The following MYO9A variants were observed in gnomAD, a reference collection of about 807,000 sequenced individuals.
MYO9A encodes the protein unconventional myosin-IXa.
In MYO9A, 103 loss-of-function variants were observed where a neutral mutation model predicts 293.3. The observed-to-expected ratio is 0.35, with a 90% CI of 0.30 to 0.41. The LOEUF (loss-of-function observed/expected upper bound fraction) is 0.41. Ranked by LOEUF, MYO9A falls within the 10% of genes least tolerant of loss-of-function variation. The pLI is 1.00. For synonymous variants in MYO9A, 1,001 were observed against 1,035.7 expected (o/e 0.97, Z 0.64); for missense variants, 2,685 against 3,033.0 (o/e 0.89, Z 2.69).
chr15:71,904,019 A>T lies in MYO9A; in HGVS notation c.2787T>A (p.Asp929Glu), dbSNP rs143033820. The T allele has an allele frequency of 1.5e-4, 247 of 1,613,834 alleles. 1 individual carries two copies. The highest frequency in any genetic ancestry group is 8.2e-4 in the Middle Eastern group (5 of 6,084). The change falls in exon 21 of 42, where the codon GAT (aspartate) becomes GAA (glutamate). Residue 929 changes from aspartate (D) to glutamate (E), a missense_variant. Asp to Glu is a conservative substitution (Grantham distance 45, BLOSUM62 2). This residue lies in a region of MYO9A where 1,434 missense variants were observed against 1,497.7 expected (regional missense o/e 0.96). Transcript: ENST00000356056. ...NAEKLPLRFS[D>E]VLVLRQLRYT... ...ATCGAAGCTGTCTAAGTACCAAGAC[A>T]TCACTGAACCTTAAGGGCAGCTAAA...
intron 14 of MYO9A, among the ~76,000 whole-genome samples, chr15:71,956,332 TATA>T (rs2059189431): frequency 1.3e-5 from 1 of 77,434 alleles, no homozygotes; most frequent in South Asian, 4.2e-4. Flanking sequence ...AAAAAAAAAA[TATA>T]TATATATATA....
chr15:72,058,283 T>C (rs1290040612), intron 1 of MYO9A, among the ~76,000 whole-genome samples: 2 of 152,210 alleles, frequency 1.3e-5, no homozygotes, highest in Non-Finnish European at 2.9e-5. Flanking sequence ...AAGGTATACA[T>C]ATATTTTAAA....
At chr15:72,067,746 A>G (rs908908657) in intron 1 of MYO9A, among the ~76,000 whole-genome samples, 3 of 152,212 alleles carry the variant, frequency 2.0e-5, no homozygotes, top group African/African-American at 7.2e-5. Context: ...ATTGTTTGCA[A>G]AATGAGATTT....
chr15:71,999,843 C>G lies in MYO9A; in HGVS notation c.1470+8G>C, dbSNP rs1255787315. 1.2e-6 allele frequency: 2 copies of G among 1,608,410 alleles called. No homozygotes were observed. Among genetic ancestry groups the G allele is most frequent in the Non-Finnish European group, 1.7e-6 (2 of 1,176,752 alleles). ...GAATGCTTTCATTTCAAAGAAAATC[C>G]ATCATACCTCTGCCAACTTGTATGG... On this transcript the variant is annotated splice_region_variant and intron_variant, in intron 9 of 41. Transcript: ENST00000356056.
intron 16 of MYO9A, among the ~76,000 whole-genome samples, chr15:71,936,244 C>T (rs937114557): frequency 2.6e-5 from 4 of 151,982 alleles, no homozygotes; most frequent in African/African-American, 7.2e-5. Context: ...TGACCCCACT[C>T]GTATGTGGAA....
intron 13 of MYO9A, among the ~76,000 whole-genome samples, chr15:71,967,215 TACAC>T (rs947454883): frequency 6.6e-6 from 1 of 152,218 alleles, no homozygotes; most frequent in South Asian, 2.1e-4. Flanking sequence ...TACAAATAGA[TACAC>T]ACACATATAT....
intron 23 of MYO9A, among the ~76,000 whole-genome samples, chr15:71,900,639 A>G (rs1009583819): frequency 1.1e-4 from 17 of 152,170 alleles, no homozygotes; most frequent in Non-Finnish European, 1.9e-4. Flanking sequence ...TAACTTTAAC[A>G]TATTATATTC....
At chr15:71,880,602 T>C (rs1331384339) in intron 28 of MYO9A, 44 bp from the exon 29 acceptor site, 3 of 1,490,258 alleles carry the variant, frequency 2.0e-6, no homozygotes, top group South Asian at 1.2e-5. Context: ...ATTTAGTAAA[T>C]ATATTGATAA....
At position 71,848,850 on chromosome 15, in the gene MYO9A, A is replaced by G. The variant is rs2055505335; in HGVS notation, c.6832T>C (p.Ser2278Pro). Residue 2278 changes from serine to proline, a missense_variant, in exon 39 of 42, where the codon TCA (serine) becomes CCA (proline). This residue lies in a region of MYO9A where 350 missense variants were observed against 328.9 expected (regional missense o/e 1.06). Coordinates refer to ENST00000356056, the MANE Select transcript of MYO9A (RefSeq NM_006901.4). ...AKTRLSLIRR[S>P]MGKGRIRRGN... is the part of the protein sequence containing the mutation. ...TTCCATGTGTTGCATCTTACCATTG[A>G]TCTACGAATCAGTGACAACCTGGTC... The G allele has an allele frequency of 1.2e-6, 2 of 1,602,514 alleles. No individual in the cohort carries two copies. The highest frequency in any genetic ancestry group is 1.7e-6 in the Non-Finnish European group (2 of 1,177,174).
chr15:71,933,750 A>T (rs999600247), intron 17 of MYO9A, 41 bp from the exon 18 acceptor site: 16 of 1,500,920 alleles, frequency 1.1e-5, no homozygotes, highest in Non-Finnish European at 1.5e-5. Flanking sequence ...CTACTGTATA[A>T]AAACAAAAAC....
At chr15:72,055,718 A>G (rs560303353) in intron 1 of MYO9A, among the ~76,000 whole-genome samples, 1 of 152,166 alleles carries the variant, frequency 6.6e-6, no homozygotes, top group Non-Finnish European at 1.5e-5. Flanking sequence ...AAAATGCTCA[A>G]CAGCATTAAT....
intron 1 of MYO9A, among the ~76,000 whole-genome samples, chr15:72,074,418 G>GA (rs2079282660): frequency 6.6e-6 from 1 of 151,772 alleles, no homozygotes; most frequent in Admixed American, 6.6e-5. Flanking sequence ...AAAGAAGTCT[G>GA]AAAAAAACAA....
chr15:71,970,638 A>G (rs2147374281), intron 12 of MYO9A, among the ~76,000 whole-genome samples: 1 of 152,354 alleles, frequency 6.6e-6, no homozygotes, highest in South Asian at 2.1e-4. Context: ...TAATAACTAC[A>G]GGACTGACTC....
At chr15:72,051,375 C>G (rs2078558357) in intron 1 of MYO9A, among the ~76,000 whole-genome samples, 1 of 152,098 alleles carries the variant, frequency 6.6e-6, no homozygotes, top group Non-Finnish European at 1.5e-5. Context: ...GAGTTTCGTG[C>G]TCCCTAGGTG....
At chr15:72,048,429 A>G (rs1441191737) in intron 1 of MYO9A, among the ~76,000 whole-genome samples, 1 of 152,026 alleles carries the variant, frequency 6.6e-6, no homozygotes, top group East Asian at 1.9e-4. Context: ...GAAATAAACT[A>G]GTGAGGAAAG....
chr15:72,089,473 T>C (rs2150562768), intron 1 of MYO9A, among the ~76,000 whole-genome samples: 1 of 152,176 alleles, frequency 6.6e-6, no homozygotes, highest in South Asian at 2.1e-4. Flanking sequence ...GATGGGTCAT[T>C]TTTATTCCTT....
chr15:72,077,733 GAA>G lies in MYO9A; in HGVS notation c.-71-31101_-71-31100del, dbSNP rs60518266. On this transcript the variant is annotated intron_variant, in intron 1 of 41. Coordinates refer to ENST00000356056, the MANE Select transcript of MYO9A (RefSeq NM_006901.4). ...CAACAGAGTGAGACTCTGTCTCAAA[GAA>G]AAAAAAAAAAAAAAAAAATATATAT... Among the ~76,000 whole-genome samples the G allele has an allele frequency of 5.0e-3, 432 of 87,272 alleles. 2 individuals carry two copies. In the East Asian group the frequency reaches 0.064, roughly 13 times the overall value. The allele number at this position is 87,272 out of a possible 152,430, so 57.3% of individuals were successfully genotyped here.
chr15:71,886,786 G>A (rs974537075), intron 27 of MYO9A, among the ~76,000 whole-genome samples: 1 of 151,984 alleles, frequency 6.6e-6, no homozygotes, highest in Admixed American at 6.6e-5. Context: ...CAATTGTGGG[G>A]GAGGACGTGG....
At chr15:71,875,492 T>C (rs1472936437) in intron 32 of MYO9A, among the ~76,000 whole-genome samples, 2 of 152,182 alleles carry the variant, frequency 1.3e-5, no homozygotes, top group African/African-American at 2.4e-5. Flanking sequence ...CTGTTTTCTT[T>C]AGAAGGGAGA....
Sources: allele counts gnomAD v4.1 joint callset (sites outside exome capture counted in the v4.1 genomes callset), GRCh38; gene constraint gnomAD v4.1.1; regional missense constraint gnomAD v4.1.1; transcripts MANE v1.5; gene names NCBI Gene and HGNC (gene_info 2026-07-23, HGNC 2026-07-21).